The following RSF1 variants were observed in gnomAD, a reference collection of about 807,000 sequenced individuals.
RSF1 encodes HBV pX-associated protein 8.
A neutral mutation model predicts 145.2 loss-of-function variants in RSF1; 13 were observed. The ratio of observed to expected loss-of-function variants is 0.09; its 90% CI spans 0.06 to 0.14. The LOEUF (loss-of-function observed/expected upper bound fraction) is 0.14, where lower values mean the gene tolerates loss of function less well. Ranked by LOEUF, RSF1 falls within the 10% of genes least tolerant of loss-of-function variation. The pLI is 1.00. For synonymous variants in RSF1, 577 were observed against 592.6 expected (o/e 0.97, Z 0.38); for missense variants, 1,517 against 1,718.2 (o/e 0.88, Z 2.07).
Position 77,701,130 on chromosome 11 carries a change from G to C in RSF1, c.2099C>G (p.Ser700Cys). 6.2e-7 allele frequency: 1 copy of C among 1,613,624 alleles called. No homozygotes were observed. Among genetic ancestry groups the C allele is most frequent in the Non-Finnish European group, 8.5e-7 (1 of 1,179,934 alleles). The change falls in exon 6 of 16, where the codon TCT becomes TGT. Residue 700 changes from serine (S) to cysteine (C), a missense_variant. Coordinates refer to ENST00000308488, the MANE Select transcript of RSF1 (RefSeq NM_016578.4). ...ATATTTGAATTTGCTTTTTTGCATA[G>C]AACCCTTTGTCTCAGAAGGCTCCTC... ...GIEEPSETKGSMQKSKFKYKL... is the reference protein window; with the variant it reads ...GIEEPSETKGCMQKSKFKYKL...
chr11:77,819,532 G>C (rs1157343154), intron 1 of RSF1, among the ~76,000 whole-genome samples: 1 of 152,206 alleles, frequency 6.6e-6, no homozygotes, highest in African/African-American at 2.4e-5. Flanking sequence ...TTATGTGGAA[G>C]GAGCACCACT....
chr11:77,692,536 G>A lies in RSF1; in HGVS notation c.2820+971C>T, dbSNP rs1960181279. On this transcript the variant is annotated intron_variant, in intron 8 of 15. Transcript: ENST00000308488. ...TGGGATTACAGGCGTGAGCCACCGCGCCCGGCCACTACTTTTAAATTTTTT... is the reference window on the plus strand; with the variant it reads ...TGGGATTACAGGCGTGAGCCACCGCACCCGGCCACTACTTTTAAATTTTTT... 4.9e-5 allele frequency among the ~76,000 whole-genome samples: 5 copies of A among 102,946 alleles called. 1 individual carries two copies. The highest frequency in any genetic ancestry group is 2.7e-4 in the South Asian group (1 of 3,656). 67.5% of individuals were successfully genotyped at this position (102,946 alleles called of 152,430 possible).
chr11:77,761,162 A>G (rs950958247), intron 2 of RSF1, among the ~76,000 whole-genome samples: 4 of 152,192 alleles, frequency 2.6e-5, no homozygotes, highest in Admixed American at 1.3e-4. Context: ...GATGGTCTCA[A>G]TCTCCTGACC....
At chr11:77,781,324 T>A (rs1352750779) in intron 1 of RSF1, among the ~76,000 whole-genome samples, 1 of 152,156 alleles carries the variant, frequency 6.6e-6, no homozygotes, top group African/African-American at 2.4e-5. Context: ...GTCTCGAACT[T>A]CTGACCTCAA....
chr11:77,806,411 C>CA (rs1034144850), intron 1 of RSF1, among the ~76,000 whole-genome samples: 5 of 151,960 alleles, frequency 3.3e-5, no homozygotes, highest in Middle Eastern at 3.2e-3. Flanking sequence ...CCAAATAACC[C>CA]AAAAAATGAG....
At chr11:77,764,745 T>C (rs1948208942) in intron 1 of RSF1, 56 bp from the exon 2 acceptor site, 1 of 1,051,976 alleles carries the variant, frequency 9.5e-7, no homozygotes, top group South Asian at 1.4e-5. Flanking sequence ...ATTCTAAACA[T>C]TTAAGATAAT....
At position 77,675,022 on chromosome 11, in the gene RSF1, C is replaced by T. The variant is rs765510644; in HGVS notation, c.3562+14G>A. 9.4e-5 allele frequency: 147 copies of T among 1,565,196 alleles called. No individual in the cohort carries two copies. Among genetic ancestry groups the T allele is most frequent in the Non-Finnish European group, 1.1e-4 (130 of 1,153,608 alleles). Reference sequence around the variant, plus strand: ...AATTTATTGAGCTACCATATGGTTACAGATTATTTTTACCAGAGTCTCTAC... The same window carrying T: ...AATTTATTGAGCTACCATATGGTTATAGATTATTTTTACCAGAGTCTCTAC... On this transcript the variant is annotated intron_variant, in intron 14 of 15. Transcript: ENST00000308488.
intron 1 of RSF1, among the ~76,000 whole-genome samples, chr11:77,784,074 T>C (rs558740027): frequency 2.0e-5 from 3 of 152,216 alleles, no homozygotes; most frequent in East Asian, 1.9e-4. Flanking sequence ...ATTTGAAATT[T>C]TGCATTCATT....
the RSF1 span, among the ~76,000 whole-genome samples, chr11:77,833,014 T>A: frequency 1.3e-4 from 18 of 133,728 alleles, no homozygotes; most frequent in South Asian, 2.4e-4. Context: ...TATATATTTT[T>A]TTTTTTTTTT....
chr11:77,774,631 G>T (rs1306747616), intron 1 of RSF1, among the ~76,000 whole-genome samples: 2 of 148,008 alleles, frequency 1.4e-5, no homozygotes. Flanking sequence ...ATAAAGAAAA[G>T]AGAGTTCCTA....
At chr11:77,859,617 A>G in the RSF1 span, among the ~76,000 whole-genome samples, 1 of 152,228 alleles carries the variant, frequency 6.6e-6, no homozygotes, top group African/African-American at 2.4e-5. Context: ...ACTTTCAAGT[A>G]TTCCATTATC....
intron 3 of RSF1, among the ~76,000 whole-genome samples, chr11:77,746,707 T>C (rs1948005888): frequency 6.6e-6 from 1 of 152,182 alleles, no homozygotes; most frequent in Non-Finnish European, 1.5e-5. Context: ...CAGTATCAAA[T>C]TGCTAATTTA....
chr11:77,700,101 C>T (rs1411580076), intron 6 of RSF1, among the ~76,000 whole-genome samples: 2 of 151,896 alleles, frequency 1.3e-5, no homozygotes, highest in African/African-American at 4.8e-5. Flanking sequence ...GCCTGTAATC[C>T]CAGCACTTTG....
chr11:77,814,950 A>G (rs1948768101), intron 1 of RSF1, among the ~76,000 whole-genome samples: 1 of 152,298 alleles, frequency 6.6e-6, no homozygotes, highest in East Asian at 1.9e-4. Context: ...CCTCATACAG[A>G]GCACACTGGA....
chr11:77,766,030 G>A (rs1476718714), intron 1 of RSF1, among the ~76,000 whole-genome samples: 1 of 152,086 alleles, frequency 6.6e-6, no homozygotes, highest in Non-Finnish European at 1.5e-5. Context: ...TTACAGGCAT[G>A]AGCCACTGCA....
chr11:77,684,135 CA>C (rs1252831044), intron 10 of RSF1, among the ~76,000 whole-genome samples: 2 of 152,172 alleles, frequency 1.3e-5, no homozygotes, highest in Non-Finnish European at 2.9e-5. Context: ...AGAAGATGTT[CA>C]ACAGGTATGC....
At chr11:77,683,682 G>T in intron 11 of RSF1, 28 bp downstream of exon 11, 1 of 1,458,398 alleles carries the variant, frequency 6.9e-7, no homozygotes, top group Non-Finnish European at 9.6e-7. Context: ...ATCCTCTTTT[G>T]CTGTAGACAT....
the RSF1 span, among the ~76,000 whole-genome samples, chr11:77,834,986 A>G: frequency 1.3e-5 from 2 of 152,224 alleles, no homozygotes; most frequent in Non-Finnish European, 2.9e-5. Flanking sequence ...ATTTTTATAA[A>G]AAAAGTAACA....
chr11:77,720,978 T>G (rs772614190), intron 5 of RSF1, among the ~76,000 whole-genome samples: 11 of 152,338 alleles, frequency 7.2e-5, no homozygotes, highest in South Asian at 2.1e-4. Context: ...TCCATTTTTT[T>G]GCCCACTTTT....
Sources: gnomAD v4.1 joint callset for allele counts (sites outside exome capture counted in the v4.1 genomes callset) on GRCh38, gnomAD v4.1.1 for gene constraint, MANE v1.5 for transcripts, NCBI Gene and HGNC (gene_info 2026-07-23, HGNC 2026-07-21) for gene names.